Variants in HLA-F observed in about 807,000 individuals in gnomAD.
The protein encoded by HLA-F is HLA class I histocompatibility antigen, alpha chain F.
HLA-F carries 46 observed loss-of-function variants against 49.5 expected under a neutral mutation model. The ratio of observed to expected loss-of-function variants is 0.93; its 90% CI spans 0.73 to 1.19. The LOEUF (loss-of-function observed/expected upper bound fraction) is 1.19. Among genes scored for constraint, HLA-F ranks in the 50% most tolerant of loss-of-function variants. The pLI, the probability that HLA-F is intolerant of heterozygous loss-of-function variation, is 0.00. For synonymous variants in HLA-F, 203 were observed against 233.5 expected, an observed-to-expected ratio of 0.87 and a Z score of 1.19; for missense variants, 496 against 579.6, an observed-to-expected ratio of 0.86 and a Z score of 1.48.
chr6:29,733,377 T>C (rs1776796960), intron 3 of HLA-F, among the ~76,000 whole-genome samples: 1 of 152,034 alleles, frequency 6.6e-6, no homozygotes, highest in African/African-American at 2.4e-5. Context: ...TTAATTCAAG[T>C]AGGCATTGAT....
chr6:29,737,498 A>T (rs1777219890), intron 3 of HLA-F, among the ~76,000 whole-genome samples: 1 of 152,198 alleles, frequency 6.6e-6, no homozygotes, highest in Non-Finnish European at 1.5e-5. Context: ...GTAAGCCAGG[A>T]TGTGCTTTTA....
intron 3 of HLA-F, chr6:29,736,280 A>G (rs1374348824): frequency 2.7e-6 from 1 of 373,970 alleles, no homozygotes; most frequent in Non-Finnish European, 5.2e-6. Context: ...TTCCTGGCTC[A>G]ACAGCCATTT....
chr6:29,735,599 T>C (rs923891302), intron 3 of HLA-F: 1 of 151,994 alleles, frequency 6.6e-6, no homozygotes, highest in Non-Finnish European at 1.5e-5. Flanking sequence ...CTGTTTGTCA[T>C]TGGCTTTTGA....
At chr6:29,736,769 G>A (rs555127945) in intron 3 of HLA-F, 75 of 168,526 alleles carry the variant, frequency 4.5e-4, no homozygotes, top group Admixed American at 1.9e-3. Flanking sequence ...TATCACTCCC[G>A]TGGCAGTCAG....
In HLA-F at chr6:29,725,191, A is replaced by AGG. The variant is rs781081263; in HGVS notation, c.774_775dup (p.Asp259GlyfsTer36). 1.2e-6 allele frequency: 2 copies of AGG among 1,614,032 alleles called. No homozygotes were observed. The highest frequency in any genetic ancestry group is 1.7e-6 in the Non-Finnish European group (2 of 1,180,038). On this transcript the variant is annotated frameshift_variant, in exon 4 of 7. Coordinates refer to ENST00000259951, the MANE Select transcript of HLA-F (RefSeq NM_001098479.2). LOFTEE classifies it high-confidence loss of function. ...CAGAGCTTGTGGAGACCAGGCCTGC[A>AGG]GGGGATGGAACCTTCCAGAAGTGGG...
At chr6:29,724,937 C>G (rs1179654390) in intron 3 of HLA-F, 94 bp from the exon 4 acceptor site, 27 of 1,411,108 alleles carry the variant, frequency 1.9e-5, no homozygotes, top group Non-Finnish European at 2.5e-5. Flanking sequence ...TTCCCCACCC[C>G]AGGTGTCCTG....
chr6:29,726,384 A>G, intron 6 of HLA-F: 1 of 1,611,536 alleles, frequency 6.2e-7, no homozygotes, highest in East Asian at 2.2e-5. Flanking sequence ...GAATTTGTTC[A>G]TGAATATTTT....
At chr6:29,726,682 A>G (rs2127590535) in intron 6 of HLA-F, 3 of 1,403,412 alleles carry the variant, frequency 2.1e-6, no homozygotes, top group East Asian at 4.5e-5. Flanking sequence ...GGTGATCCCA[A>G]TTTTGGTGGC....
In HLA-F at chr6:29,725,168, G is replaced by A. The variant is rs1166200063; in HGVS notation, c.748G>A (p.Glu250Lys). 1.9e-6 allele frequency: 3 copies of A among 1,614,130 alleles called. No homozygotes were observed. Among genetic ancestry groups the A allele is most frequent in the Non-Finnish European group, 2.5e-6 (3 of 1,180,046 alleles). ...RDGEEQTQDT[E>K]LVETRPAGDG... ...TGGGGAGGAACAGACCCAGGACACA[G>A]AGCTTGTGGAGACCAGGCCTGCAGG... Residue 250 changes from glutamate (E) to lysine (K), a missense_variant, in exon 4 of 7, where the codon GAG becomes AAG. Coordinates refer to ENST00000259951, the MANE Select transcript of HLA-F (RefSeq NM_001098479.2).
chr6:29,723,711 G>T lies in HLA-F; in HGVS notation c.118G>T (p.Glu40Ter). The change falls in exon 2 of 7, where the codon GAG (glutamate) becomes TAG (stop). Residue 40 changes from glutamate to a stop codon, truncating the protein, a stop_gained. Coordinates refer to ENST00000259951, the MANE Select transcript of HLA-F (RefSeq NM_001098479.2). LOFTEE classifies it high-confidence loss of function. ...STAVSRPGRG[E>*]PRYIAVEYVD... ...CGCTGTGTCGCGGCCCGGCCGCGGG[G>T]AGCCCCGCTACATCGCCGTGGAGTA... The T allele has an allele frequency of 6.2e-7, 1 of 1,611,826 alleles. No individual in the cohort carries two copies.
At chr6:29,732,018 G>A (rs992234126), downstream of HLA-F, among the ~76,000 whole-genome samples, 18 of 152,132 alleles carry the variant, frequency 1.2e-4, no homozygotes, top group South Asian at 2.1e-4. Context: ...GGTCTGGAGG[G>A]CAGTGGCATG....
Position 29,723,484 on chromosome 6 carries a change from C to T in HLA-F, c.21C>T (p.Leu7=), listed in dbSNP as rs1775586326. The change falls in exon 1 of 7, where the codon CTC becomes CTT. Residue 7 remains leucine (L), a synonymous_variant. Transcript: ENST00000259951. MAPRSL[L]LLLSGALALT... is the part of the protein sequence containing the mutation. ...GGGTCATGGCGCCCCGAAGCCTCCTCCTGCTGCTCTCAGGGGCCCTGGCCC... is the reference window on the plus strand; with the variant it reads ...GGGTCATGGCGCCCCGAAGCCTCCTTCTGCTGCTCTCAGGGGCCCTGGCCC... 6.2e-7 allele frequency: 1 copy of T among 1,613,588 alleles called. No individual in the cohort carries two copies. Among genetic ancestry groups the T allele is most frequent in the African/African-American group, 1.3e-5 (1 of 74,936 alleles).
At position 29,723,656 on chromosome 6, in the gene HLA-F, A is replaced by G. The variant is rs1775619826; in HGVS notation, c.65-2A>G. ...CGGGTCTCAGCCCCTCCTCGCCCCC[A>G]GGCTCCCACTCCTTGAGGTATTTCA... On this transcript the variant is annotated splice_acceptor_variant, in intron 1 of 6. Coordinates refer to ENST00000259951, the MANE Select transcript of HLA-F (RefSeq NM_001098479.2). LOFTEE classifies it high-confidence loss of function. 2 of 1,605,646 alleles carry G rather than the reference A, an allele frequency of 1.2e-6. No homozygotes were observed. Among genetic ancestry groups the G allele is most frequent in the East Asian group, 2.2e-5 (1 of 44,784 alleles).
At chr6:29,735,332 C>CATATATATGTATATATATGT (rs150624335) in intron 3 of HLA-F, 17 of 120,826 alleles carry the variant, frequency 1.4e-4, no homozygotes, top group Admixed American at 2.5e-4. Flanking sequence ...TATGTATAGT[C>CATATATATGTATATATATGT]ATATATATGT....
At chr6:29,732,338 T>C (rs1562304434) in intron 3 of HLA-F, among the ~76,000 whole-genome samples, 1 of 152,122 alleles carries the variant, frequency 6.6e-6, no homozygotes, top group Non-Finnish European at 1.5e-5. Flanking sequence ...CTTGTCAAAA[T>C]ATTACCTACA....
In HLA-F at chr6:29,726,544, A is replaced by G; in HGVS notation, c.1037-339A>G. 3.3e-6 allele frequency: 5 copies of G among 1,511,710 alleles called. No individual in the cohort carries two copies. In the South Asian group the frequency reaches 5.1e-5, roughly 15 times the overall value. 93.6% of individuals were successfully genotyped at this position (1,511,710 alleles called of 1,614,324 possible). Reference sequence around the variant, plus strand: ...TATAGATACAGGTAGATATGTTTTTATAGCATGCACGTAAATGTGTGTGTG... The same window carrying G: ...TATAGATACAGGTAGATATGTTTTTGTAGCATGCACGTAAATGTGTGTGTG... On this transcript the variant is annotated intron_variant, in intron 6 of 6. Coordinates refer to ENST00000259951, the MANE Select transcript of HLA-F (RefSeq NM_001098479.2).
chr6:29,726,850 C>G, intron 6 of HLA-F, 33 bp from the exon 7 acceptor site: 4 of 1,598,388 alleles, frequency 2.5e-6, no homozygotes, highest in Non-Finnish European at 3.4e-6. Flanking sequence ...ACAGTGAACA[C>G]AAGTAGGCTG....
Position 29,724,419 on chromosome 6 carries a change from A to C in HLA-F, c.581A>C (p.Glu194Ala). The C allele has an allele frequency of 6.2e-7, 1 of 1,613,278 alleles. No individual in the cohort carries two copies. Among genetic ancestry groups the C allele is most frequent in the Non-Finnish European group, 8.5e-7 (1 of 1,180,032 alleles). ...CTGGAGTTGCTCCGCAGATACTTGG[A>C]GAATGGGAAGGAGACGCTACAGCGC... is the stretch of plus-strand genomic sequence containing the variant. ...ECLELLRRYL[E>A]NGKETLQRAD... The change falls in exon 3 of 7, where the codon GAG becomes GCG. Residue 194 changes from glutamate to alanine, a missense_variant. Transcript: ENST00000259951.
intron 3 of HLA-F, among the ~76,000 whole-genome samples, chr6:29,724,799 G>A (rs185332285): frequency 1.1e-3 from 173 of 152,260 alleles, no homozygotes; most frequent in Non-Finnish European, 4.6e-4. Context: ...TCTGATTCCA[G>A]TCCCTCGGCC....
Sources: gnomAD v4.1 joint callset for allele counts (sites outside exome capture counted in the v4.1 genomes callset) on GRCh38, gnomAD v4.1.1 for gene constraint, MANE v1.5 for transcripts, NCBI Gene and HGNC (gene_info 2026-07-23, HGNC 2026-07-21) for gene names.